SAMMSON: variants seen among roughly 807,000 people sequenced by gnomAD.
SAMMSON encodes the protein survival associated mitochondrial melanoma specific oncogenic non-coding RNA.
At chr3:70,280,587 T>A (rs547401367) in intron 6 of SAMMSON, among the ~76,000 whole-genome samples, 1 of 152,232 alleles carries the variant, frequency 6.6e-6, no homozygotes, top group African/African-American at 2.4e-5. Flanking sequence ...AAAATGAAGG[T>A]CTCAGAAGCA....
At chr3:70,409,105 C>G (rs940888970) in intron 2 of SAMMSON, among the ~76,000 whole-genome samples, 1 of 152,142 alleles carries the variant, frequency 6.6e-6, no homozygotes, top group Non-Finnish European at 1.5e-5. Flanking sequence ...TGGTGTCTCC[C>G]GTAACACATG....
At chr3:70,147,925 A>C (rs2067555909) in intron 4 of SAMMSON, among the ~76,000 whole-genome samples, 1 of 152,102 alleles carries the variant, frequency 6.6e-6, no homozygotes, top group Non-Finnish European at 1.5e-5. Flanking sequence ...TATAGCCTGA[A>C]TTTATAAAAA....
intron 4 of SAMMSON, among the ~76,000 whole-genome samples, chr3:70,160,324 T>TG (rs1253480234): frequency 1.3e-5 from 2 of 152,046 alleles, no homozygotes; most frequent in Non-Finnish European, 2.9e-5. Context: ...TTTGCATGTG[T>TG]TGTGAGGTAA....
intron 1 of SAMMSON, among the ~76,000 whole-genome samples, chr3:70,010,945 C>T (rs2066952364): frequency 6.6e-6 from 1 of 152,010 alleles, no homozygotes; most frequent in Non-Finnish European, 1.5e-5. Flanking sequence ...GATGCTGTTG[C>T]CTGGTTCCAA....
At chr3:70,121,889 C>A (rs1040774894) in intron 4 of SAMMSON, among the ~76,000 whole-genome samples, 5 of 152,118 alleles carry the variant, frequency 3.3e-5, no homozygotes, top group Admixed American at 6.5e-5. Context: ...AAGGATCCCC[C>A]CTGCACAATG....
chr3:70,234,723 T>G (rs1701591606), intron 4 of SAMMSON, among the ~76,000 whole-genome samples: 1 of 152,186 alleles, frequency 6.6e-6, no homozygotes, highest in South Asian at 2.1e-4. Flanking sequence ...TGCAGCAATT[T>G]GAAATCTTTG....
At chr3:70,280,782 C>T (rs1002096993) in intron 6 of SAMMSON, among the ~76,000 whole-genome samples, 1 of 152,146 alleles carries the variant, frequency 6.6e-6, no homozygotes, top group Non-Finnish European at 1.5e-5. Flanking sequence ...GAGACATGAT[C>T]TGACCTAACT....
chr3:70,259,366 G>A (rs1379681483), intron 6 of SAMMSON, among the ~76,000 whole-genome samples: 1 of 151,894 alleles, frequency 6.6e-6, no homozygotes. Context: ...TTGATAGACA[G>A]TGGAAGAAAT....
intron 6 of SAMMSON, among the ~76,000 whole-genome samples, chr3:70,250,336 T>C (rs1219880959): frequency 6.6e-6 from 1 of 152,036 alleles, no homozygotes; most frequent in Non-Finnish European, 1.5e-5. Context: ...AGCGACATTT[T>C]TTAGGTAATT....
At chr3:70,272,191 A>G (rs1304673985) in intron 6 of SAMMSON, 1 of 152,244 alleles carries the variant, frequency 6.6e-6, no homozygotes, top group South Asian at 2.1e-4. Flanking sequence ...TTCCAAATGC[A>G]TAGTGGGGGT....
chr3:70,272,661 C>G (rs891613522), intron 6 of SAMMSON, among the ~76,000 whole-genome samples: 2 of 152,134 alleles, frequency 1.3e-5, no homozygotes, highest in Admixed American at 6.5e-5. Context: ...GTATGTTTAA[C>G]TTTATAAAAA....
chr3:70,001,183 A>G (rs2066904368), intron 1 of SAMMSON, among the ~76,000 whole-genome samples: 1 of 152,114 alleles, frequency 6.6e-6, no homozygotes, highest in Non-Finnish European at 1.5e-5. Context: ...TGTTGTCTTT[A>G]TGAATTATCC....
chr3:70,123,845 C>G (rs368348915), intron 4 of SAMMSON, among the ~76,000 whole-genome samples: 2 of 152,162 alleles, frequency 1.3e-5, no homozygotes, highest in Non-Finnish European at 2.9e-5. Context: ...TTTTGGAGGG[C>G]CTCTGAGGAT....
chr3:70,021,109 G>T (rs1010851703), intron 3 of SAMMSON, among the ~76,000 whole-genome samples: 70 of 152,204 alleles, frequency 4.6e-4, no homozygotes, highest in African/African-American at 1.5e-3. Flanking sequence ...TCACCACATT[G>T]GCTGTTCATG....
At chr3:70,142,040 G>A (rs928365521) in intron 4 of SAMMSON, among the ~76,000 whole-genome samples, 4 of 152,048 alleles carry the variant, frequency 2.6e-5, no homozygotes, top group Non-Finnish European at 5.9e-5. Context: ...AATAGATGTT[G>A]GTGTGAATGC....
chr3:70,174,733 A>G (rs550681607), intron 4 of SAMMSON, among the ~76,000 whole-genome samples: 3 of 147,230 alleles, frequency 2.0e-5, no homozygotes, highest in South Asian at 4.2e-4. Flanking sequence ...TCAATTATCT[A>G]TTCAATTAGG....
intron 7 of SAMMSON, chr3:70,311,896 C>G: frequency 2.5e-6 from 1 of 397,764 alleles, no homozygotes; most frequent in Non-Finnish European, 4.4e-6. Flanking sequence ...CTTCTTTCAA[C>G]CAAGAAATGT....
intron 4 of SAMMSON, among the ~76,000 whole-genome samples, chr3:70,216,317 T>C (rs1484107475): frequency 4.0e-5 from 6 of 150,466 alleles, no homozygotes; most frequent in African/African-American, 1.2e-4. Flanking sequence ...ATTCTAATTA[T>C]AATTTATATA....
At chr3:70,104,782 A>G (rs1351592784) in intron 4 of SAMMSON, among the ~76,000 whole-genome samples, 1 of 152,128 alleles carries the variant, frequency 6.6e-6, no homozygotes, top group Non-Finnish European at 1.5e-5. Context: ...ATGTGTGGGT[A>G]TGTTGGAAAT....
Sources: gnomAD v4.1 joint callset for allele counts (sites outside exome capture counted in the v4.1 genomes callset) on GRCh38, gnomAD v4.1.1 for gene constraint, MANE v1.5 for transcripts, NCBI Gene and HGNC (gene_info 2026-07-23, HGNC 2026-07-21) for gene names.